The following TMEM132D variants were observed in gnomAD, a reference collection of about 807,000 sequenced individuals.
The protein encoded by TMEM132D is transmembrane protein 132D, also known as mature OL transmembrane protein.
TMEM132D carries 21 observed loss-of-function variants against 62.3 expected under a neutral mutation model. The ratio of observed to expected loss-of-function variants is 0.34; its 90% CI spans 0.24 to 0.49. TMEM132D has a LOEUF of 0.49. Ranked by LOEUF, TMEM132D falls within the 20% of genes least tolerant of loss-of-function variation. The pLI, the probability that TMEM132D is intolerant of heterozygous loss-of-function variation, is 0.99. For synonymous variants in TMEM132D, 621 were observed against 575.6 expected (o/e 1.08, Z -1.13); for missense variants, 1,346 against 1,402.8 (o/e 0.96, Z 0.65).
intron 3 of TMEM132D, among the ~76,000 whole-genome samples, chr12:129,508,164 G>A (rs1366808042): frequency 1.3e-5 from 2 of 152,112 alleles, no homozygotes; most frequent in Non-Finnish European, 2.9e-5. Context: ...TTAGAATCTA[G>A]ACTGTAAAGC....
chr12:129,303,984 G>A (rs986133245), intron 4 of TMEM132D, among the ~76,000 whole-genome samples: 2 of 152,152 alleles, frequency 1.3e-5, no homozygotes, highest in Non-Finnish European at 2.9e-5. Flanking sequence ...TTGCGCCCTC[G>A]ATGGCTTAGA....
At chr12:129,588,802 C>A (rs1215802255) in intron 2 of TMEM132D, among the ~76,000 whole-genome samples, 4 of 139,940 alleles carry the variant, frequency 2.9e-5, no homozygotes, top group Non-Finnish European at 4.5e-5. Context: ...CCGTGTTATA[C>A]TCATTTATAA....
intron 4 of TMEM132D, among the ~76,000 whole-genome samples, chr12:129,247,709 T>C (rs1222572394): frequency 6.6e-6 from 1 of 152,176 alleles, no homozygotes; most frequent in Non-Finnish European, 1.5e-5. Flanking sequence ...TCCTTTCCCT[T>C]TGTAATGTTA....
chr12:129,380,751 C>T (rs1007788062), intron 3 of TMEM132D, among the ~76,000 whole-genome samples: 2 of 152,060 alleles, frequency 1.3e-5, no homozygotes, highest in Non-Finnish European at 1.5e-5. Context: ...CCCTGGCAAC[C>T]GCTATTGTGT....
chr12:129,733,341 T>C (rs767222853), intron 1 of TMEM132D, among the ~76,000 whole-genome samples: 1 of 152,086 alleles, frequency 6.6e-6, no homozygotes, highest in African/African-American at 2.4e-5. Context: ...GTAAATTGCA[T>C]TGTAGGTCAC....
chr12:129,838,309 A>G (rs1344150213), intron 1 of TMEM132D, among the ~76,000 whole-genome samples: 1 of 152,150 alleles, frequency 6.6e-6, no homozygotes, highest in African/African-American at 2.4e-5. Flanking sequence ...CGTCTTTCCA[A>G]CTCTCTTCCG....
intron 4 of TMEM132D, among the ~76,000 whole-genome samples, chr12:129,261,032 GT>G (rs1400085274): frequency 6.6e-6 from 1 of 152,180 alleles, no homozygotes; most frequent in Non-Finnish European, 1.5e-5. Context: ...ATACCCAAGA[GT>G]GGGATTGCTG....
chr12:129,727,463 C>A (rs980628224), intron 1 of TMEM132D, among the ~76,000 whole-genome samples: 2 of 152,172 alleles, frequency 1.3e-5, no homozygotes, highest in African/African-American at 4.8e-5. Context: ...ATCTAATCAC[C>A]TCTTAAAGGT....
At chr12:129,159,929 T>C (rs78355588) in intron 5 of TMEM132D, among the ~76,000 whole-genome samples, 12,008 of 152,078 alleles carry the variant, frequency 0.079, 1,085 homozygotes, top group African/African-American at 0.22. Flanking sequence ...TCTGTTTCTG[T>C]ACAACAGTTT....
chr12:129,777,483 C>T (rs1483482483), intron 1 of TMEM132D, among the ~76,000 whole-genome samples: 1 of 152,200 alleles, frequency 6.6e-6, no homozygotes, highest in Admixed American at 6.5e-5. Context: ...CCAGAACGGC[C>T]ACCCAGCCTA....
chr12:129,572,180 C>A lies in TMEM132D; in HGVS notation c.969-40975G>T, dbSNP rs115753012. On this transcript the variant is annotated intron_variant, in intron 2 of 8. Transcript: ENST00000422113. ...CTGACTCAGACACAGGGCACAGTCACATTTTAGGTGAACTAGAGTCACGTA... is the reference window on the plus strand; with the variant it reads ...CTGACTCAGACACAGGGCACAGTCAAATTTTAGGTGAACTAGAGTCACGTA... Among the ~76,000 whole-genome samples, 72 of 152,370 alleles carry A rather than the reference C, an allele frequency of 4.7e-4. 1 individual carries two copies. The highest frequency in any genetic ancestry group is 1.7e-3 in the African/African-American group (70 of 41,594).
intron 5 of TMEM132D, among the ~76,000 whole-genome samples, chr12:129,100,500 T>G (rs1456863532): frequency 6.6e-6 from 1 of 152,248 alleles, no homozygotes; most frequent in Non-Finnish European, 1.5e-5. Flanking sequence ...GTCTGACTGA[T>G]GCAGTGCAGT....
rs920148427 is a variant in TMEM132D, at chr12:129,455,884, C to T, written c.1115+75175G>A. Among the ~76,000 whole-genome samples, 3 of 152,172 alleles carry T rather than the reference C, an allele frequency of 2.0e-5. 1 individual carries two copies. The East Asian group carries it at 5.8e-4, about 29-fold the overall frequency. Reference sequence around the variant, plus strand: ...GAGAGTTTTAATACAGGGTTATACACTGACTCCATTTTTTAATTAAAGGAC... The same window carrying T: ...GAGAGTTTTAATACAGGGTTATACATTGACTCCATTTTTTAATTAAAGGAC... On this transcript the variant is annotated intron_variant, in intron 3 of 8. Transcript: ENST00000422113.
chr12:129,800,791 C>T lies in TMEM132D; in HGVS notation c.80-100093G>A, dbSNP rs565567332. ...CAGAAGACGGGTGATTTCTCCATTTCCATCTGAGGTACCGGGCTCATCTCA... is the reference window on the plus strand; with the variant it reads ...CAGAAGACGGGTGATTTCTCCATTTTCATCTGAGGTACCGGGCTCATCTCA... On this transcript the variant is annotated intron_variant, in intron 1 of 8. Coordinates refer to ENST00000422113, the MANE Select transcript of TMEM132D (RefSeq NM_133448.3). Among the ~76,000 whole-genome samples, 428 of 152,190 alleles carry T rather than the reference C, an allele frequency of 2.8e-3. 3 individuals carry two copies. The highest frequency in any genetic ancestry group is 9.9e-3 in the African/African-American group (411 of 41,540).
At chr12:129,294,556 T>A (rs1032200178) in intron 4 of TMEM132D, among the ~76,000 whole-genome samples, 1 of 152,146 alleles carries the variant, frequency 6.6e-6, no homozygotes, top group African/African-American at 2.4e-5. Flanking sequence ...TCAGTCTTCC[T>A]GTGGGAGTTT....
At chr12:129,312,684 C>A (rs921139351) in intron 4 of TMEM132D, among the ~76,000 whole-genome samples, 1 of 152,198 alleles carries the variant, frequency 6.6e-6, no homozygotes, top group Non-Finnish European at 1.5e-5. Context: ...ATTCTCCCTG[C>A]ATCAGCCTCC....
intron 4 of TMEM132D, among the ~76,000 whole-genome samples, chr12:129,321,333 G>A (rs1247492260): frequency 6.6e-6 from 1 of 152,186 alleles, no homozygotes; most frequent in East Asian, 1.9e-4. Context: ...TCACAGATAA[G>A]AAGAGGCTGA....
intron 5 of TMEM132D, among the ~76,000 whole-genome samples, chr12:129,196,358 C>T (rs1317216258): frequency 6.6e-6 from 1 of 152,182 alleles, no homozygotes; most frequent in Non-Finnish European, 1.5e-5. Flanking sequence ...ATTGCTTTCA[C>T]TCATTTAAAT....
At chr12:129,173,543 A>C (rs1593285184) in intron 5 of TMEM132D, among the ~76,000 whole-genome samples, 1 of 152,232 alleles carries the variant, frequency 6.6e-6, no homozygotes, top group Non-Finnish European at 1.5e-5. Context: ...GATGATCTTT[A>C]TAACACCTTC....
Sources: allele counts gnomAD v4.1 joint callset (sites outside exome capture counted in the v4.1 genomes callset), GRCh38; gene constraint gnomAD v4.1.1; transcripts MANE v1.5; gene names NCBI Gene and HGNC (gene_info 2026-07-23, HGNC 2026-07-21).